Variants in LOC400499 observed in about 807,000 individuals in gnomAD.
chr16:11,375,421 C>T, the LOC400499 span, among the ~76,000 whole-genome samples: 1 of 140,132 alleles, frequency 7.1e-6, no homozygotes, highest in Non-Finnish European at 1.5e-5. Context: ...TCAAGCAATT[C>T]TCCTGCCTCA....
the LOC400499 span, chr16:11,446,442 G>T: frequency 9.9e-7 from 1 of 1,009,538 alleles, no homozygotes. Flanking sequence ...ACAGGTGTGA[G>T]CCACTGCACT....
chr16:11,462,278 A>G, the LOC400499 span: 5 of 1,509,340 alleles, frequency 3.3e-6, no homozygotes, highest in East Asian at 1.2e-4. Flanking sequence ...CTCGCCACCC[A>G]TGGCTGGCTG....
chr16:11,508,346 G>A, the LOC400499 span, among the ~76,000 whole-genome samples: 1 of 152,216 alleles, frequency 6.6e-6, no homozygotes, highest in Non-Finnish European at 1.5e-5. Flanking sequence ...TTCGGAGGAG[G>A]CCTGGGCCAT....
the LOC400499 span, among the ~76,000 whole-genome samples, chr16:11,380,136 C>T: frequency 5.9e-5 from 9 of 151,962 alleles, no homozygotes; most frequent in South Asian, 2.1e-4. Flanking sequence ...ATATGTTTAA[C>T]GTAGATGTAT....
the LOC400499 span, among the ~76,000 whole-genome samples, chr16:11,490,065 G>C: frequency 6.6e-6 from 1 of 152,162 alleles, no homozygotes; most frequent in Admixed American, 6.6e-5. Flanking sequence ...AAGAGCTATA[G>C]ATGAGAGACA....
At chr16:11,464,393 T>C in the LOC400499 span, among the ~76,000 whole-genome samples, 3 of 152,340 alleles carry the variant, frequency 2.0e-5, no homozygotes, top group East Asian at 1.9e-4. Flanking sequence ...GAACACAGAA[T>C]TTCTCACCCA....
At chr16:11,429,177 T>C in the LOC400499 span, among the ~76,000 whole-genome samples, 1 of 152,178 alleles carries the variant, frequency 6.6e-6, no homozygotes, top group Non-Finnish European at 1.5e-5. Flanking sequence ...CTGGTTGGCC[T>C]GGGAGCGGAT....
chr16:11,396,717 G>A, the LOC400499 span: 4 of 1,227,734 alleles, frequency 3.3e-6, no homozygotes, highest in Non-Finnish European at 4.1e-6. Context: ...CACAGGGGTG[G>A]CAGCTTCCTC....
At chr16:11,500,627 G>T in the LOC400499 span, among the ~76,000 whole-genome samples, 2 of 152,074 alleles carry the variant, frequency 1.3e-5, no homozygotes, top group South Asian at 4.1e-4. Context: ...GGAATTCTCT[G>T]ATACCAAAGG....
the LOC400499 span, chr16:11,502,056 C>G: frequency 2.5e-6 from 1 of 398,976 alleles, no homozygotes; most frequent in Non-Finnish European, 4.4e-6. Flanking sequence ...AGTCCATCCC[C>G]CACCCGGAGA....
chr16:11,500,681 G>A, the LOC400499 span: 1 of 396,892 alleles, frequency 2.5e-6, no homozygotes, highest in Non-Finnish European at 4.4e-6. Flanking sequence ...TGGGTGGTCT[G>A]GCCTCCTCTG....
At chr16:11,384,314 CAGCGGATATGCCTGTGGGGAAGAGGGA>C in the LOC400499 span, 2 of 1,231,536 alleles carry the variant, frequency 1.6e-6, no homozygotes, top group Non-Finnish European at 2.0e-6. Context: ...CCCAGAAGGC[CAGCGGATATGCCTGTGGGGAAGAGGGA>C]AGCGGAGGCC....
chr16:11,514,613 G>C, the LOC400499 span: 2 of 399,344 alleles, frequency 5.0e-6, no homozygotes, highest in African/African-American at 2.1e-5. Context: ...GGACCAAGGG[G>C]AGGAGGGACG....
chr16:11,497,323 A>G, the LOC400499 span, among the ~76,000 whole-genome samples: 1 of 152,226 alleles, frequency 6.6e-6, no homozygotes, highest in African/African-American at 2.4e-5. Context: ...TGGAAAAAGC[A>G]CATTCAATGT....
the LOC400499 span, among the ~76,000 whole-genome samples, chr16:11,496,874 G>A: frequency 3.3e-3 from 498 of 149,814 alleles, no homozygotes; most frequent in African/African-American, 0.012. Context: ...GTGAGTCTTG[G>A]CGTGTATGCC....
At chr16:11,511,953 G>C in the LOC400499 span, among the ~76,000 whole-genome samples, 1 of 152,154 alleles carries the variant, frequency 6.6e-6, no homozygotes, top group Non-Finnish European at 1.5e-5. Context: ...AGGAGGCCAA[G>C]GTACCATTGC....
the LOC400499 span, chr16:11,440,622 T>C: frequency 2.3e-5 from 9 of 397,928 alleles, no homozygotes; most frequent in Non-Finnish European, 3.1e-5. Context: ...CCCAGGGTCA[T>C]GTCTCCTGCC....
At chr16:11,389,685 CAAAAAAAAAA>C in the LOC400499 span, among the ~76,000 whole-genome samples, 2 of 59,040 alleles carry the variant, frequency 3.4e-5, no homozygotes, top group Non-Finnish European at 5.8e-5. Flanking sequence ...AACTCCATCT[CAAAAAAAAAA>C]AAAAAAAAAA....
the LOC400499 span, chr16:11,423,172 C>T: frequency 5.0e-6 from 2 of 399,368 alleles, no homozygotes; most frequent in East Asian, 7.1e-5. Context: ...GGACAGAGAC[C>T]CCATACCTCG....
Sources: allele counts gnomAD v4.1 joint callset (sites outside exome capture counted in the v4.1 genomes callset), GRCh38; gene constraint gnomAD v4.1.1; transcripts MANE v1.5.